LINGO2: variants seen among roughly 807,000 people sequenced by gnomAD.
LINGO2 encodes leucine-rich repeat and immunoglobulin-like domain-containing nogo receptor-interacting protein 2.
Under a neutral mutation model 30.6 loss-of-function variants are expected in LINGO2, and 14 were observed. That is an observed-to-expected ratio of 0.46 (90% CI 0.30 to 0.72). The LOEUF (loss-of-function observed/expected upper bound fraction) is 0.72, where lower values mean the gene tolerates loss of function less well. Ranked by LOEUF, LINGO2 falls within the 30% of genes least tolerant of loss-of-function variation. LINGO2 has a pLI of 0.07. For synonymous variants in LINGO2, 317 were observed against 288.5 expected (o/e 1.10, Z -1.00); for missense variants, 729 against 751.7 (o/e 0.97, Z 0.35).
At chr9:28,442,063 T>C (rs527576241) in intron 2 of LINGO2, among the ~76,000 whole-genome samples, 2 of 152,244 alleles carry the variant, frequency 1.3e-5, no homozygotes, top group African/African-American at 4.8e-5. Context: ...TTTGATTTGT[T>C]TGAATTTTAG....
chr9:28,588,526 G>A (rs1382680715), intron 1 of LINGO2, among the ~76,000 whole-genome samples: 1 of 151,838 alleles, frequency 6.6e-6, no homozygotes, highest in Non-Finnish European at 1.5e-5. Context: ...GGGAGCCTGG[G>A]GATGGTGGGA....
At chr9:28,226,969 T>C (rs1461543020) in intron 4 of LINGO2, among the ~76,000 whole-genome samples, 1 of 152,184 alleles carries the variant, frequency 6.6e-6, no homozygotes, top group Non-Finnish European at 1.5e-5. Context: ...TTCAGGTATA[T>C]GTATCAGTCA....
intron 4 of LINGO2, among the ~76,000 whole-genome samples, chr9:28,283,072 T>C (rs1823385992): frequency 6.6e-6 from 1 of 152,138 alleles, no homozygotes; most frequent in South Asian, 2.1e-4. Context: ...AACACATACC[T>C]CCAGACCAGT....
the LINGO2 span, among the ~76,000 whole-genome samples, chr9:29,086,744 T>C: frequency 6.6e-6 from 1 of 152,080 alleles, no homozygotes; most frequent in South Asian, 2.1e-4. Flanking sequence ...GATATATGAG[T>C]TCATCATTTG....
chr9:28,517,061 G>T (rs769902710), intron 1 of LINGO2, among the ~76,000 whole-genome samples: 3 of 152,216 alleles, frequency 2.0e-5, no homozygotes, highest in Non-Finnish European at 4.4e-5. Flanking sequence ...GGCCCTTCGT[G>T]CCTGGTAGGC....
At chr9:28,253,357 G>C (rs1408432286) in intron 4 of LINGO2, among the ~76,000 whole-genome samples, 1 of 152,104 alleles carries the variant, frequency 6.6e-6, no homozygotes, top group African/African-American at 2.4e-5. Flanking sequence ...CAAAAGAAAT[G>C]GAAGGCATGA....
chr9:28,096,918 T>A (rs781071754), intron 4 of LINGO2, among the ~76,000 whole-genome samples: 8 of 152,194 alleles, frequency 5.3e-5, no homozygotes, highest in Non-Finnish European at 7.4e-5. Context: ...AATAGTTTAC[T>A]GACCTGTTCT....
chr9:29,078,425 A>C, the LINGO2 span, among the ~76,000 whole-genome samples: 13 of 151,992 alleles, frequency 8.6e-5, no homozygotes, highest in African/African-American at 2.9e-4. Context: ...TTAGAAAATG[A>C]AATGTCTTAA....
chr9:28,244,866 T>C (rs1821941689), intron 4 of LINGO2, among the ~76,000 whole-genome samples: 1 of 150,404 alleles, frequency 6.6e-6, no homozygotes, highest in African/African-American at 2.4e-5. Context: ...AGCCAAATTC[T>C]ACCAGAGGTA....
chr9:28,202,271 G>T (rs1409344330), intron 4 of LINGO2, among the ~76,000 whole-genome samples: 1 of 151,928 alleles, frequency 6.6e-6, no homozygotes, highest in Non-Finnish European at 1.5e-5. Flanking sequence ...ATTTCCAGGG[G>T]GTCACAATTC....
the LINGO2 span, among the ~76,000 whole-genome samples, chr9:28,970,405 G>T: frequency 1.3e-5 from 2 of 152,118 alleles, no homozygotes; most frequent in Non-Finnish European, 2.9e-5. Flanking sequence ...CACAAGAAAA[G>T]CACCTTCATC....
intron 3 of LINGO2, among the ~76,000 whole-genome samples, chr9:28,353,709 T>C (rs928316365): frequency 3.3e-5 from 5 of 152,088 alleles, no homozygotes; most frequent in Non-Finnish European, 7.4e-5. Flanking sequence ...CACACGTATG[T>C]TTATTGCGGC....
In LINGO2 at chr9:28,019,254, TA is replaced by T. The variant is rs1822991922; in HGVS notation, c.-86-6850del. ...TGCTAATATAACAAAGCTACACATA[TA>T]CTGCTGAACCTAAAACTTAAAAAAA... On this transcript the variant is annotated intron_variant, in intron 4 of 5. Coordinates refer to ENST00000379992, the Ensembl canonical transcript of LINGO2. 2.0e-5 allele frequency among the ~76,000 whole-genome samples: 3 copies of T among 150,422 alleles called. No individual in the cohort carries two copies. In the South Asian group the frequency reaches 6.4e-4, roughly 32 times the overall value.
At chr9:28,937,834 G>A in the LINGO2 span, among the ~76,000 whole-genome samples, 7 of 152,088 alleles carry the variant, frequency 4.6e-5, no homozygotes, top group African/African-American at 1.7e-4. Context: ...ACAAGGGCAA[G>A]TTTGTTACAT....
intron 2 of LINGO2, among the ~76,000 whole-genome samples, chr9:28,385,778 C>T (rs1241126271): frequency 6.6e-6 from 1 of 152,034 alleles, no homozygotes. Context: ...TACATCTAGG[C>T]TTAGGCACAG....
the LINGO2 span, among the ~76,000 whole-genome samples, chr9:28,987,569 C>A: frequency 6.6e-6 from 1 of 151,960 alleles, no homozygotes; most frequent in African/African-American, 2.4e-5. Flanking sequence ...ATATTTCCTT[C>A]TTCCTGCTGA....
intron 4 of LINGO2, among the ~76,000 whole-genome samples, chr9:28,038,510 G>A (rs372909731): frequency 5.3e-5 from 8 of 152,020 alleles, no homozygotes; most frequent in Non-Finnish European, 1.0e-4. Flanking sequence ...CGGCTAAAAC[G>A]GTGAAACCCA....
the LINGO2 span, among the ~76,000 whole-genome samples, chr9:28,718,462 G>T: frequency 6.6e-6 from 1 of 152,016 alleles, no homozygotes; most frequent in East Asian, 1.9e-4. Context: ...AGACAATTTC[G>T]AAATTATACC....
chr9:28,013,826 A>G (rs950034734), intron 4 of LINGO2, among the ~76,000 whole-genome samples: 7 of 152,190 alleles, frequency 4.6e-5, no homozygotes, highest in Non-Finnish European at 1.0e-4. Flanking sequence ...TTAGCACATG[A>G]AATTGGAAGA....
Sources: allele counts gnomAD v4.1 joint callset (sites outside exome capture counted in the v4.1 genomes callset), GRCh38; gene constraint gnomAD v4.1.1; transcripts MANE v1.5; gene names NCBI Gene and HGNC (gene_info 2026-07-23, HGNC 2026-07-21).